Variants in DBF4 observed in about 807,000 individuals in gnomAD.
The protein encoded by DBF4 is DBF4-CDC7 kinase regulatory subunit, also known as protein DBF4 homolog A.
In DBF4, 25 loss-of-function variants were observed where a neutral mutation model predicts 76.6. That is an observed-to-expected ratio of 0.33 (90% CI 0.24 to 0.46). The LOEUF (loss-of-function observed/expected upper bound fraction) is 0.46. Among genes scored for constraint, DBF4 ranks in the 20% least tolerant of loss-of-function variants. The pLI is 1.00. For synonymous variants in DBF4, 213 were observed against 258.0 expected (o/e 0.83, Z 1.67); for missense variants, 638 against 760.8 (o/e 0.84, Z 1.90).
At chr7:87,889,299 G>T (rs1321344034) in intron 6 of DBF4, among the ~76,000 whole-genome samples, 1 of 148,682 alleles carries the variant, frequency 6.7e-6, no homozygotes, top group African/African-American at 2.5e-5. Context: ...TTTTTTTGAG[G>T]CAGGCCCTCC....
intron 11 of DBF4, among the ~76,000 whole-genome samples, chr7:87,906,962 G>GAGGT (rs1839927247): frequency 6.6e-6 from 1 of 152,104 alleles, no homozygotes; most frequent in Admixed American, 6.5e-5. Context: ...GAGGAGAAGA[G>GAGGT]AGGTACACTA....
intron 2 of DBF4, among the ~76,000 whole-genome samples, chr7:87,881,307 C>T (rs1186873911): frequency 2.0e-5 from 3 of 152,152 alleles, no homozygotes; most frequent in Admixed American, 6.5e-5. Context: ...ACTGGGGAGG[C>T]TGAGGCAGGA....
Position 87,907,328 on chromosome 7 carries a change from T to G in DBF4, c.1190T>G (p.Phe397Cys), listed in dbSNP as rs138033798. The G allele has an allele frequency of 8.0e-5, 129 of 1,614,032 alleles. No individual in the cohort carries two copies. In the African/African-American group the frequency reaches 1.7e-3, roughly 21 times the overall value. Residue 397 changes from phenylalanine (F) to cysteine (C), a missense_variant, in exon 12 of 12, where the codon TTC becomes TGC. Phe to Cys is a radical substitution (Grantham distance 205). Coordinates refer to ENST00000265728, the MANE Select transcript of DBF4 (RefSeq NM_006716.4). ...EDDTTVKEQN[F>C]LYKETQETEK... ...GATACAACAGTGAAGGAGCAGAATT[T>G]CCTGTATAAAGAGACCCAGGAAACT...
At position 87,907,541 on chromosome 7, in the gene DBF4, C is replaced by T. The variant is rs1839939708; in HGVS notation, c.1403C>T (p.Thr468Ile). ...TGCATTCTTGACATTTCCGAACACA[C>T]ATTAAGTGAAAATGACTTAGAAGAA... ...QECILDISEH[T>I]LSENDLEELR... The change falls in exon 12 of 12, where the codon ACA (threonine) becomes ATA (isoleucine). Residue 468 changes from threonine (T) to isoleucine (I), a missense_variant. Physicochemically the swap from Thr to Ile is moderately conservative, Grantham distance 89. Coordinates refer to ENST00000265728, the MANE Select transcript of DBF4 (RefSeq NM_006716.4). 3 of 1,613,944 alleles carry T rather than the reference C, an allele frequency of 1.9e-6. No homozygotes were observed. Among genetic ancestry groups the T allele is most frequent in the Admixed American group, 1.7e-5 (1 of 60,004 alleles).
chr7:87,885,263 G>A (rs1839316726), intron 3 of DBF4, 105 bp downstream of exon 3: 2 of 978,964 alleles, frequency 2.0e-6, no homozygotes, highest in South Asian at 3.8e-5. Context: ...TAGAACATTT[G>A]CAAAGCCACA....
In DBF4 at chr7:87,876,509, C is replaced by T. The variant is rs367590984; in HGVS notation, c.-224C>T. 2.1e-5 allele frequency: 11 copies of T among 529,742 alleles called. No individual in the cohort carries two copies. The highest frequency in any genetic ancestry group is 1.2e-4 in the African/African-American group (6 of 51,670). The allele number at this position is 529,742 out of a possible 1,614,324, so 32.8% of individuals were successfully genotyped here. A position where few individuals can be genotyped will look rare whatever the true frequency, so the allele number is the denominator to read the frequency against. ...CGCGTTTTCAAATCTTCAACCGCCG[C>T]AGCCCACTCGTTTGTGCTTTGCGCC... On this transcript the variant is annotated 5_prime_UTR_variant, in exon 1 of 12. Coordinates refer to ENST00000265728, the MANE Select transcript of DBF4 (RefSeq NM_006716.4).
chr7:87,886,084 A>G (rs1839341999), intron 3 of DBF4, among the ~76,000 whole-genome samples: 1 of 152,218 alleles, frequency 6.6e-6, no homozygotes, highest in South Asian at 2.1e-4. Context: ...AAAAAGAGAT[A>G]CAATACATAG....
intron 9 of DBF4, 59 bp from the exon 10 acceptor site, chr7:87,900,705 T>G (rs896808387): frequency 3.4e-5 from 47 of 1,400,362 alleles, no homozygotes; most frequent in Middle Eastern, 2.2e-4. Flanking sequence ...GACAATAAAT[T>G]TTTAAAGTTA....
chr7:87,889,408 T>A (rs1839434372), intron 6 of DBF4, among the ~76,000 whole-genome samples: 1 of 151,770 alleles, frequency 6.6e-6, no homozygotes, highest in Non-Finnish European at 1.5e-5. Context: ...GCCTCCCAAG[T>A]AGCTGGGACT....
At chr7:87,900,730 C>T in intron 9 of DBF4, 34 bp from the exon 10 acceptor site, 2 of 1,531,384 alleles carry the variant, frequency 1.3e-6, no homozygotes, top group Non-Finnish European at 1.8e-6. Context: ...TTAGGTTCAG[C>T]AGTTAATTCT....
intron 8 of DBF4, among the ~76,000 whole-genome samples, chr7:87,899,492 A>C (rs1411897501): frequency 6.6e-6 from 1 of 152,232 alleles, no homozygotes; most frequent in Non-Finnish European, 1.5e-5. Flanking sequence ...AATAGCCAAT[A>C]AGCATATGAA....
intron 10 of DBF4, among the ~76,000 whole-genome samples, chr7:87,902,518 A>T (rs1839812187): frequency 6.6e-6 from 1 of 152,208 alleles, no homozygotes; most frequent in African/African-American, 2.4e-5. Context: ...AAAGTAAAGT[A>T]TGAAGTGCAA....
At chr7:87,877,432 T>G (rs376323840) in intron 1 of DBF4, among the ~76,000 whole-genome samples, 1 of 152,236 alleles carries the variant, frequency 6.6e-6, no homozygotes, top group East Asian at 1.9e-4. Context: ...CAGATTGCGT[T>G]TGAAAAATTA....
chr7:87,900,182 C>T, intron 8 of DBF4, 39 bp from the exon 9 acceptor site: 1 of 1,486,000 alleles, frequency 6.7e-7, no homozygotes, highest in Admixed American at 2.0e-5. Context: ...TTTCTTTAAT[C>T]ATAAAGAATC....
intron 6 of DBF4, 116 bp from the exon 7 acceptor site, chr7:87,896,355 CCTT>C (rs746349623): frequency 6.6e-5 from 48 of 729,978 alleles, no homozygotes; most frequent in Middle Eastern, 2.9e-4. Flanking sequence ...AAAGAATAAT[CCTT>C]CTTTGATATA....
chr7:87,876,811 T>TA, intron 1 of DBF4, 33 bp downstream of exon 1: 4 of 1,611,716 alleles, frequency 2.5e-6, no homozygotes, highest in Non-Finnish European at 3.4e-6. Context: ...GCAGTCCCTT[T>TA]AATCCTTTCC....
chr7:87,882,392 T>C (rs553563408), intron 2 of DBF4, among the ~76,000 whole-genome samples: 181 of 152,336 alleles, frequency 1.2e-3, no homozygotes, highest in Non-Finnish European at 2.2e-3. Context: ...GGGAGAGATC[T>C]TCATGACATT....
At chr7:87,905,620 T>C (rs1484944690) in intron 11 of DBF4, among the ~76,000 whole-genome samples, 3 of 152,226 alleles carry the variant, frequency 2.0e-5, no homozygotes, top group Admixed American at 6.5e-5. Context: ...GATGGTTTCA[T>C]ATGGATATAC....
intron 6 of DBF4, among the ~76,000 whole-genome samples, chr7:87,894,625 G>A (rs913064704): frequency 2.6e-5 from 4 of 152,098 alleles, no homozygotes; most frequent in African/African-American, 9.7e-5. Context: ...AGCAAATCTG[G>A]TGGCACAAGG....
Sources: allele counts gnomAD v4.1 joint callset (sites outside exome capture counted in the v4.1 genomes callset), GRCh38; gene constraint gnomAD v4.1.1; transcripts MANE v1.5; gene names NCBI Gene and HGNC (gene_info 2026-07-23, HGNC 2026-07-21).